PARD3: variants seen among roughly 807,000 people sequenced by gnomAD.
PARD3 encodes the protein par-3 family cell polarity regulator.
A neutral mutation model predicts 155.4 loss-of-function variants in PARD3; 75 were observed. That is an observed-to-expected ratio of 0.48 (90% CI 0.40 to 0.58). The LOEUF is 0.58. Among genes scored for constraint, PARD3 ranks in the 20% least tolerant of loss-of-function variants. The pLI is 0.00. For synonymous variants in PARD3, 576 were observed against 610.5 expected, an observed-to-expected ratio of 0.94 and a Z score of 0.83; for missense variants, 1,642 against 1,721.7, an observed-to-expected ratio of 0.95 and a Z score of 0.82.
chr10:34,191,386 C>A (rs1240291820), intron 22 of PARD3, among the ~76,000 whole-genome samples: 11 of 152,006 alleles, frequency 7.2e-5, no homozygotes, highest in Non-Finnish European at 1.5e-4. Context: ...GAATCACTAA[C>A]CCAACCAGTC....
intron 3 of PARD3, among the ~76,000 whole-genome samples, chr10:34,496,585 T>C (rs186179173): frequency 1.2e-3 from 184 of 152,290 alleles, no homozygotes; most frequent in Admixed American, 0.01. Context: ...ACCGAGGTTA[T>C]AGAACATGGT....
At chr10:34,478,669 G>A (rs1354747110) in intron 3 of PARD3, among the ~76,000 whole-genome samples, 1 of 152,092 alleles carries the variant, frequency 6.6e-6, no homozygotes, top group Non-Finnish European at 1.5e-5. Context: ...TCAGCCTTCC[G>A]AGTAGCTGGG....
chr10:34,764,207 G>C (rs1837806751), intron 1 of PARD3, among the ~76,000 whole-genome samples: 1 of 152,146 alleles, frequency 6.6e-6, no homozygotes, highest in African/African-American at 2.4e-5. Flanking sequence ...GAGTTTGTCT[G>C]CAAGACCTTA....
chr10:34,705,225 G>C (rs2094345012), intron 1 of PARD3, among the ~76,000 whole-genome samples: 1 of 152,152 alleles, frequency 6.6e-6, no homozygotes, highest in South Asian at 2.1e-4. Flanking sequence ...GCACTTTTGA[G>C]AGGTGGAGGC....
rs765552982 is a variant in PARD3 at position 34,666,816 on chromosome 10, T to TATACAC, written c.222+29501_222+29502insGTGTAT. 4.6e-3 allele frequency among the ~76,000 whole-genome samples: 409 copies of TATACAC among 88,708 alleles called. 2 individuals are homozygous for TATACAC. Among genetic ancestry groups the TATACAC allele is most frequent in the African/African-American group, 9.3e-3 (197 of 21,276 alleles). The allele number at this position is 88,708 out of a possible 152,430, so 58.2% of individuals were successfully genotyped here. ...AAAAAAATATATATATATATATATA[T>TATACAC]ACACACACACACACACACACAAACA... On this transcript the variant is annotated intron_variant, in intron 2 of 24. Transcript: ENST00000374788.
chr10:34,423,433 A>G (rs777389343), intron 5 of PARD3, among the ~76,000 whole-genome samples: 13 of 152,276 alleles, frequency 8.5e-5, no homozygotes, highest in Non-Finnish European at 1.8e-4. Flanking sequence ...TATACTGTAT[A>G]CTTGAAAACT....
chr10:34,254,077 C>T (rs778623752), intron 22 of PARD3, among the ~76,000 whole-genome samples: 30 of 152,070 alleles, frequency 2.0e-4, no homozygotes, highest in Non-Finnish European at 4.1e-4. Flanking sequence ...CTGATGAATA[C>T]AAACAAACTA....
chr10:34,150,022 G>C lies in PARD3; in HGVS notation c.3420-18439C>G, dbSNP rs1948703166. Among the ~76,000 whole-genome samples, 3 of 152,262 alleles carry C rather than the reference G, an allele frequency of 2.0e-5. No individual in the cohort carries two copies. The South Asian group carries it at 6.2e-4, about 32-fold the overall frequency. ...CAAATAATTTTTTGGAAATAAGGTG[G>C]TCTTAACTCATAGAGGGTCACAATG... On this transcript the variant is annotated intron_variant, in intron 22 of 24. Transcript: ENST00000374788.
chr10:34,725,153 CAG>C (rs34163907), intron 1 of PARD3, among the ~76,000 whole-genome samples: 112 of 127,324 alleles, frequency 8.8e-4, no homozygotes, highest in Non-Finnish European at 8.5e-4. Context: ...GTGTGTGTGA[CAG>C]AGAGAGAGAG....
At chr10:34,136,697 T>C (rs575717369) in intron 22 of PARD3, among the ~76,000 whole-genome samples, 12 of 151,760 alleles carry the variant, frequency 7.9e-5, no homozygotes, top group Non-Finnish European at 1.2e-4. Context: ...GTCGCTCAGG[T>C]TTTTCTTTCT....
At chr10:34,736,132 C>T (rs1342231461) in intron 1 of PARD3, among the ~76,000 whole-genome samples, 4 of 149,360 alleles carry the variant, frequency 2.7e-5, no homozygotes, top group Admixed American at 6.7e-5. Context: ...CCCGGGTTCA[C>T]GCCATTCTCA....
intron 5 of PARD3, among the ~76,000 whole-genome samples, chr10:34,427,403 C>A (rs1225208258): frequency 6.6e-6 from 1 of 152,190 alleles, no homozygotes; most frequent in Non-Finnish European, 1.5e-5. Flanking sequence ...ACTCCCTAGT[C>A]TCCTGCAGTG....
intron 1 of PARD3, among the ~76,000 whole-genome samples, chr10:34,807,172 C>G (rs7099649): frequency 0.35 from 53,737 of 151,972 alleles, 10,652 homozygotes; most frequent in African/African-American, 0.55. Flanking sequence ...TTACCAGACA[C>G]TAAACAGGAC....
In PARD3 at chr10:34,399,418, G is replaced by A. The variant is rs762070154; in HGVS notation, c.807-5C>T. 1 of 1,589,650 alleles carries A rather than the reference G, an allele frequency of 6.3e-7. No homozygotes were observed. On this transcript the variant is annotated splice_polypyrimidine_tract_variant and splice_region_variant and intron_variant, in intron 6 of 24. Coordinates refer to ENST00000374788, the MANE Select transcript of PARD3 (RefSeq NM_001184785.2). Reference sequence around the variant, plus strand: ...TCTACGAGCTTTACCATATCACTGTGAGACAATGATGAATGAGGGAGCATG... The same window carrying A: ...TCTACGAGCTTTACCATATCACTGTAAGACAATGATGAATGAGGGAGCATG...
intron 16 of PARD3, among the ~76,000 whole-genome samples, chr10:34,339,754 T>C (rs1269052353): frequency 3.9e-5 from 6 of 152,348 alleles, no homozygotes; most frequent in South Asian, 2.1e-4. Context: ...GTTTGTGCAT[T>C]AGTAAGAGTC....
At chr10:34,670,131 G>A (rs1167405518) in intron 2 of PARD3, among the ~76,000 whole-genome samples, 2 of 152,210 alleles carry the variant, frequency 1.3e-5, no homozygotes, top group East Asian at 1.9e-4. Flanking sequence ...CTCTTATCAC[G>A]TATAAAGACC....
Position 34,399,407 on chromosome 10 carries a change from C to T in PARD3, c.813G>A (p.Met271Ile). The change falls in exon 7 of 25, where the codon ATG becomes ATA. Residue 271 changes from methionine (M) to isoleucine (I), a missense_variant. Around this residue, in one of 3 missense-constraint regions of PARD3, gnomAD observed 1,529 missense variants for 1,587.3 expected, o/e 0.96. Transcript: ENST00000374788. Reference sequence around the variant, plus strand: ...CGTTGGGGACTTCTACGAGCTTTACCATATCACTGTGAGACAATGATGAAT... The same window carrying T: ...CGTTGGGGACTTCTACGAGCTTTACTATATCACTGTGAGACAATGATGAAT... ...EHIPNFSLDD[M>I]VKLVEVPNDG... 4 of 1,605,606 alleles carry T rather than the reference C, an allele frequency of 2.5e-6. No homozygotes were observed. The highest frequency in any genetic ancestry group is 3.4e-6 in the Non-Finnish European group (4 of 1,172,408).
intron 2 of PARD3, among the ~76,000 whole-genome samples, chr10:34,648,813 T>C (rs2092922772): frequency 6.6e-6 from 1 of 152,214 alleles, no homozygotes; most frequent in South Asian, 2.1e-4. Context: ...GTGACATTTT[T>C]AAGGAAGCCC....
intron 1 of PARD3, among the ~76,000 whole-genome samples, chr10:34,813,894 G>A (rs1255402424): frequency 6.6e-6 from 1 of 152,224 alleles, no homozygotes; most frequent in Non-Finnish European, 1.5e-5. Context: ...GTGCTTGGGA[G>A]AAACTTCAGC....
Sources: allele counts gnomAD v4.1 joint callset (sites outside exome capture counted in the v4.1 genomes callset), GRCh38; gene constraint gnomAD v4.1.1; regional missense constraint gnomAD v4.1.1; transcripts MANE v1.5; gene names NCBI Gene and HGNC (gene_info 2026-07-23, HGNC 2026-07-21).